PAPPA2: variants seen among roughly 807,000 people sequenced by gnomAD.
PAPPA2 encodes pappalysin-2.
PAPPA2 carries 86 observed loss-of-function variants against 176.4 expected under a neutral mutation model. The ratio of observed to expected loss-of-function variants is 0.49; its 90% confidence interval spans 0.41 to 0.58. The LOEUF (loss-of-function observed/expected upper bound fraction) is 0.58. Ranked by LOEUF, PAPPA2 falls within the 20% of genes least tolerant of loss-of-function variation. PAPPA2 has a pLI of 0.00. For synonymous variants in PAPPA2, 809 were observed against 852.2 expected (o/e 0.95, Z 0.88); for missense variants, 2,073 against 2,256.9 (o/e 0.92, Z 1.65).
At chr1:176,737,830 G>T (rs1208248116) in intron 12 of PAPPA2, among the ~76,000 whole-genome samples, 2 of 152,042 alleles carry the variant, frequency 1.3e-5, no homozygotes, top group Non-Finnish European at 2.9e-5. Flanking sequence ...ACACCATAAG[G>T]CCTACCTTTA....
In PAPPA2 at chr1:176,710,192, T is replaced by C; in HGVS notation, c.3651+16T>C. 6.2e-7 allele frequency: 1 copy of C among 1,610,878 alleles called. No homozygotes were observed. Among genetic ancestry groups the C allele is most frequent in the Non-Finnish European group, 8.5e-7 (1 of 1,178,138 alleles). On this transcript the variant is annotated intron_variant, in intron 11 of 22. Transcript: ENST00000367662. ...TCATTCCCTAGTAAGTTAAGCCAGATGAATAGAGTCGAGCCTGCGCAAAAT... is the reference window on the plus strand; with the variant it reads ...TCATTCCCTAGTAAGTTAAGCCAGACGAATAGAGTCGAGCCTGCGCAAAAT...
At chr1:176,564,531 T>C (rs527781359) in intron 2 of PAPPA2, among the ~76,000 whole-genome samples, 3 of 152,336 alleles carry the variant, frequency 2.0e-5, no homozygotes, top group African/African-American at 7.2e-5. Flanking sequence ...ACCATCCTTT[T>C]GTGCTTTGCT....
chr1:176,510,105 G>C (rs921598790), intron 1 of PAPPA2, among the ~76,000 whole-genome samples: 2 of 152,006 alleles, frequency 1.3e-5, no homozygotes, highest in East Asian at 3.9e-4. Flanking sequence ...TTTCAAATTT[G>C]ATGAAAACTA....
Position 176,595,555 on chromosome 1 carries a change from G to A in PAPPA2, c.1951G>A (p.Asp651Asn). The A allele has an allele frequency of 6.2e-7, 1 of 1,613,968 alleles. No individual in the cohort carries two copies. Residue 651 changes from aspartate to asparagine, a missense_variant, in exon 3 of 23, where the codon GAT (aspartate) becomes AAT (asparagine). This residue lies in a region of PAPPA2 where 1,196 missense variants were observed against 1,330.4 expected (regional missense o/e 0.90). Coordinates refer to ENST00000367662, the MANE Select transcript of PAPPA2 (RefSeq NM_020318.3). ...AGACTGCTGCGACCCCCAGGTGGCT[G>A]ATGTGCGCAAGACCTGCTTTGACCC... ...DGDCCDPQVADVRKTCFDPDS... is the reference protein window; with the variant it reads ...DGDCCDPQVANVRKTCFDPDS...
intron 16 of PAPPA2, 119 bp downstream of exon 16, chr1:176,769,903 A>G (rs778312910): frequency 9.0e-7 from 1 of 1,116,214 alleles, no homozygotes; most frequent in South Asian, 1.6e-5. Flanking sequence ...CTGTGTCACC[A>G]TCTTCTGATA....
chr1:176,532,549 G>T (rs778330104), intron 1 of PAPPA2, among the ~76,000 whole-genome samples: 1 of 152,212 alleles, frequency 6.6e-6, no homozygotes, highest in African/African-American at 2.4e-5. Context: ...CCTTCTGGCC[G>T]TGGGTAACAA....
chr1:176,576,700 C>T (rs1302646875), intron 2 of PAPPA2, among the ~76,000 whole-genome samples: 1 of 152,204 alleles, frequency 6.6e-6, no homozygotes, highest in East Asian at 1.9e-4. Flanking sequence ...ATCAGTTTCT[C>T]CTGATAGTCT....
At position 176,479,346 on chromosome 1, in the gene PAPPA2, G is replaced by A. The variant is rs112085626; in HGVS notation, c.-917+15928G>A. On this transcript the variant is annotated intron_variant, in intron 1 of 22. Coordinates refer to ENST00000367662, the MANE Select transcript of PAPPA2 (RefSeq NM_020318.3). ...TTTTGGTGGATGGAAGGTGGGAGAA[G>A]CATCTCTTAAGGACTCACCAGATCA... Among the ~76,000 whole-genome samples, 554 of 152,160 alleles carry A rather than the reference G, an allele frequency of 3.6e-3. 4 individuals carry two copies. The highest frequency in any genetic ancestry group is 0.012 in the African/African-American group (515 of 41,494).
chr1:176,520,424 C>G (rs1649153564), intron 1 of PAPPA2, among the ~76,000 whole-genome samples: 1 of 152,208 alleles, frequency 6.6e-6, no homozygotes, highest in South Asian at 2.1e-4. Flanking sequence ...TTAAGCCACA[C>G]TTTCAGAGAG....
At chr1:176,826,621 G>A (rs1666872047) in intron 21 of PAPPA2, among the ~76,000 whole-genome samples, 1 of 152,192 alleles carries the variant, frequency 6.6e-6, no homozygotes, top group South Asian at 2.1e-4. Flanking sequence ...CCATAGACAT[G>A]GGAACTAAAT....
At chr1:176,667,992 C>T (rs1451467500) in intron 3 of PAPPA2, among the ~76,000 whole-genome samples, 1 of 152,022 alleles carries the variant, frequency 6.6e-6, no homozygotes, top group East Asian at 1.9e-4. Context: ...TGGCAGAAGC[C>T]AGAGAGAATG....
chr1:176,838,967 C>T lies in PAPPA2; in HGVS notation c.5203-1206C>T, dbSNP rs148402396. On this transcript the variant is annotated intron_variant, in intron 21 of 22. Coordinates refer to ENST00000367662, the MANE Select transcript of PAPPA2 (RefSeq NM_020318.3). Reference sequence around the variant, plus strand: ...AACTCGTTCTGATGTAACTCAATTGCTGAGAATTATTTAATGGCCATTTTT... The same window carrying T: ...AACTCGTTCTGATGTAACTCAATTGTTGAGAATTATTTAATGGCCATTTTT... 2.6e-3 allele frequency among the ~76,000 whole-genome samples: 392 copies of T among 152,314 alleles called. 3 individuals carry two copies. Among genetic ancestry groups the T allele is most frequent in the Non-Finnish European group, 2.7e-3 (187 of 68,038 alleles).
In PAPPA2 at chr1:176,709,993, C is replaced by A; in HGVS notation, c.3468C>A (p.Ser1156Arg). 1 of 1,603,352 alleles carries A rather than the reference C, an allele frequency of 6.2e-7. No individual in the cohort carries two copies. Among genetic ancestry groups the A allele is most frequent in the Non-Finnish European group, 8.5e-7 (1 of 1,175,670 alleles). The change falls in exon 11 of 23, where the codon AGC becomes AGA. Residue 1156 changes from serine (S) to arginine (R), a missense_variant. By Grantham distance (110) the Ser-to-Arg change is moderately radical (BLOSUM62 -1). Transcript: ENST00000367662. ...AATATTTCTTGGCAGGAGAGCCAAGCCTTTGCTACATGTATGAGGGAGATG... is the reference window on the plus strand; with the variant it reads ...AATATTTCTTGGCAGGAGAGCCAAGACTTTGCTACATGTATGAGGGAGATG... ...EEGFNCVGEP[S>R]LCYMYEGDGI...
At chr1:176,535,198 C>G (rs1650006301) in intron 1 of PAPPA2, among the ~76,000 whole-genome samples, 1 of 152,144 alleles carries the variant, frequency 6.6e-6, no homozygotes, top group African/African-American at 2.4e-5. Context: ...TTCTCTTCTC[C>G]TTTCTTCCTT....
intron 21 of PAPPA2, among the ~76,000 whole-genome samples, chr1:176,811,284 T>A (rs904786851): frequency 6.6e-6 from 1 of 152,220 alleles, no homozygotes. Flanking sequence ...GTGATAGTTG[T>A]TTAACTTCTT....
chr1:176,497,378 A>G (rs1263437759), intron 1 of PAPPA2, among the ~76,000 whole-genome samples: 1 of 152,204 alleles, frequency 6.6e-6, no homozygotes, highest in Non-Finnish European at 1.5e-5. Context: ...CTCACAAGGC[A>G]TCTACTACAT....
Position 176,484,232 on chromosome 1 carries a change from A to G in PAPPA2, c.-917+20814A>G, listed in dbSNP as rs536379161. On this transcript the variant is annotated intron_variant, in intron 1 of 22. Transcript: ENST00000367662. The stretch of plus-strand genomic sequence containing the variant: ...GCAGTTTCTATCTTTGCTCTTTTGT[A>G]GGTAACATGTTTTTCCCCCTCTGGA... 2.0e-4 allele frequency among the ~76,000 whole-genome samples: 30 copies of G among 152,294 alleles called. No homozygotes were observed. The South Asian group carries it at 6.2e-3, about 32-fold the overall frequency.
chr1:176,551,684 G>A (rs902253535), intron 1 of PAPPA2, among the ~76,000 whole-genome samples: 2 of 152,222 alleles, frequency 1.3e-5, no homozygotes, highest in East Asian at 3.9e-4. Context: ...TGACGTCCTG[G>A]GCTTAAAGGA....
chr1:176,551,345 T>C (rs1291675382), intron 1 of PAPPA2, among the ~76,000 whole-genome samples: 1 of 152,238 alleles, frequency 6.6e-6, no homozygotes, highest in African/African-American at 2.4e-5. Context: ...CTGGCTTCTA[T>C]ATATAGATTC....
Sources: gnomAD v4.1 joint callset for allele counts (sites outside exome capture counted in the v4.1 genomes callset) on GRCh38, gnomAD v4.1.1 for gene constraint, gnomAD v4.1.1 regional missense constraint, MANE v1.5 for transcripts, NCBI Gene and HGNC (gene_info 2026-07-23, HGNC 2026-07-21) for gene names.